WNT8A: variants seen among roughly 807,000 people sequenced by gnomAD.
WNT8A encodes Wnt family member 8A.
A neutral mutation model predicts 20.5 loss-of-function variants in WNT8A; 14 were observed. The observed-to-expected ratio is 0.68, with a 90% CI of 0.45 to 1.07. WNT8A has a LOEUF of 1.07. WNT8A is among the 50% of genes least tolerant of loss of function. WNT8A has a pLI of 0.00. For missense variants in WNT8A, 397 were observed against 462.9 expected (o/e 0.86, Z 1.31); for synonymous variants, 167 against 169.2 (o/e 0.99, Z 0.10).
chr5:138,080,378 G>A (rs1004752686), upstream of WNT8A, among the ~76,000 whole-genome samples: 1 of 139,388 alleles, frequency 7.2e-6, no homozygotes, highest in African/African-American at 2.6e-5. Flanking sequence ...TCCAACGCTC[G>A]CAACTGAAGA....
Position 138,090,827 on chromosome 5 carries a change from AGAG to A in WNT8A, c.866_868del (p.Glu289del). On this transcript the variant is annotated inframe_deletion, in exon 5 of 5. Coordinates refer to ENST00000506684, the MANE Select transcript of WNT8A (RefSeq NM_001300939.2). Reference sequence around the variant, plus strand: ...ATTCCAGCCTGGGCATCTATGGCACAGAGGGTCGTGAGTGCCTACAGAACAGCC... The same window carrying A: ...ATTCCAGCCTGGGCATCTATGGCACAGGTCGTGAGTGCCTACAGAACAGCC... The A allele has an allele frequency of 6.2e-7, 1 of 1,614,232 alleles. No homozygotes were observed. The highest frequency in any genetic ancestry group is 8.5e-7 in the Non-Finnish European group (1 of 1,180,034).
chr5:138,090,140 C>T (rs1750798290), intron 4 of WNT8A, among the ~76,000 whole-genome samples: 1 of 152,166 alleles, frequency 6.6e-6, no homozygotes, highest in Non-Finnish European at 1.5e-5. Flanking sequence ...TCATAGTTTC[C>T]TTTATAATTT....
intron 2 of WNT8A, among the ~76,000 whole-genome samples, chr5:138,085,305 C>A (rs552918771): frequency 6.6e-6 from 1 of 152,246 alleles, no homozygotes; most frequent in South Asian, 2.1e-4. Flanking sequence ...CACTGAGTTG[C>A]ATGAAATAAA....
chr5:138,090,012 G>A (rs1484663548), intron 4 of WNT8A, among the ~76,000 whole-genome samples: 1 of 152,070 alleles, frequency 6.6e-6, no homozygotes, highest in African/African-American at 2.4e-5. Context: ...ATTGCCTTGG[G>A]GGTATAAGTG....
At chr5:138,086,902 CG>C (rs1180871673) in intron 2 of WNT8A, among the ~76,000 whole-genome samples, 26 of 146,122 alleles carry the variant, frequency 1.8e-4, no homozygotes, top group African/African-American at 6.5e-4. Context: ...AAAAAATAGC[CG>C]GGTGTGGTAG....
upstream of WNT8A, among the ~76,000 whole-genome samples, chr5:138,079,061 C>T (rs184415212): frequency 7.9e-5 from 12 of 152,004 alleles, no homozygotes; most frequent in East Asian, 1.9e-3. Flanking sequence ...TCCATGAAGG[C>T]GGGTAGTAAG....
chr5:138,081,007 C>T (rs1426608488), upstream of WNT8A, among the ~76,000 whole-genome samples: 5 of 151,922 alleles, frequency 3.3e-5, no homozygotes, highest in Non-Finnish European at 7.4e-5. Flanking sequence ...TTTGGGAGGC[C>T]GAGACGGGTG....
upstream of WNT8A, among the ~76,000 whole-genome samples, chr5:138,080,444 G>GTTTTTTTTTTT (rs371833243): frequency 3.0e-3 from 169 of 55,966 alleles, 12 homozygotes; most frequent in Non-Finnish European, 3.9e-3. Context: ...TGTAAATCTT[G>GTTTTTTTTTTT]TTTTTTTTTT....
downstream of WNT8A, chr5:138,091,588 T>C (rs1750857777): frequency 1.0e-6 from 1 of 999,284 alleles, no homozygotes; most frequent in Non-Finnish European, 1.3e-6. Context: ...AGTGTTGGAT[T>C]TTTTATCCCC....
Position 138,087,708 on chromosome 5 carries a change from TG to T in WNT8A, c.296-93del. On this transcript the variant is annotated intron_variant, in intron 2 of 4. Transcript: ENST00000506684. Reference sequence around the variant, plus strand: ...AGCATCCTCTTAAACCCAAAGGAAGTGGGGGATAAGGGAGATAAACAGTATT... The same window carrying T: ...AGCATCCTCTTAAACCCAAAGGAAGTGGGGATAAGGGAGATAAACAGTATT... The T allele has an allele frequency of 4.3e-6, 3 of 694,954 alleles. No individual in the cohort carries two copies. The South Asian group carries it at 1.0e-4, about 23-fold the overall frequency. The allele number at this position is 694,954 out of a possible 1,614,324, so 43.0% of individuals were successfully genotyped here.
At position 138,089,088 on chromosome 5, in the gene WNT8A, G is replaced by T; in HGVS notation, c.564+19G>T. 1 of 1,609,454 alleles carries T rather than the reference G, an allele frequency of 6.2e-7. No homozygotes were observed. Among genetic ancestry groups the T allele is most frequent in the Non-Finnish European group, 8.5e-7 (1 of 1,177,984 alleles). On this transcript the variant is annotated intron_variant, in intron 4 of 4. Coordinates refer to ENST00000506684, the MANE Select transcript of WNT8A (RefSeq NM_001300939.2). ...CAGACTGGTGGGTATAGGCATTGTG[G>T]CCAGTATTTCTACAGCTTCACATCT...
intron 3 of WNT8A, 141 bp from the exon 4 acceptor site, chr5:138,088,786 C>T: frequency 8.5e-7 from 1 of 1,171,564 alleles, no homozygotes. Flanking sequence ...CAACAGGACT[C>T]CCACCCACCC....
At chr5:138,090,437 C>G in intron 4 of WNT8A, 91 bp from the exon 5 acceptor site, 1 of 1,216,614 alleles carries the variant, frequency 8.2e-7, no homozygotes, top group Non-Finnish European at 1.2e-6. Flanking sequence ...CCTTTAAAGT[C>G]AAGAAACACA....
chr5:138,085,570 G>A (rs900609826), intron 2 of WNT8A, among the ~76,000 whole-genome samples: 1 of 152,086 alleles, frequency 6.6e-6, no homozygotes, highest in Non-Finnish European at 1.5e-5. Context: ...AAGTGGCTAA[G>A]CACGTGTTGG....
upstream of WNT8A, among the ~76,000 whole-genome samples, chr5:138,081,563 G>T (rs896763525): frequency 6.6e-6 from 1 of 152,030 alleles, no homozygotes; most frequent in Non-Finnish European, 1.5e-5. Context: ...TTAGATTCTT[G>T]ATTGGGAAAA....
In WNT8A at chr5:138,091,466, G is replaced by T. The variant is rs759892375; in HGVS notation, c.*393G>T. 7 of 1,353,862 alleles carry T rather than the reference G, an allele frequency of 5.2e-6. No homozygotes were observed. Among genetic ancestry groups the T allele is most frequent in the South Asian group, 2.3e-5 (2 of 87,942 alleles). 83.9% of individuals were successfully genotyped at this position (1,353,862 alleles called of 1,614,324 possible). ...TGTGCTGCTGGGAATCAGGAGAATA[G>T]AAGCAAAAAACGAAAGAGTTCTGTT... On this transcript the variant is annotated 3_prime_UTR_variant, in exon 5 of 5. Coordinates refer to ENST00000506684, the MANE Select transcript of WNT8A (RefSeq NM_001300939.2).
At chr5:138,091,838 A>ACACTCCAGCCTGGGCAACAGAACTGAG (rs71765841), downstream of WNT8A, among the ~76,000 whole-genome samples, 9 of 136,216 alleles carry the variant, frequency 6.6e-5, no homozygotes, top group Admixed American at 3.1e-4. Context: ...AAAATAAATA[A>ACACTCCAGCCTGGGCAACAGAACTGAG]ATAAATAAAT....
chr5:138,086,687 G>A (rs1485066160), intron 2 of WNT8A, among the ~76,000 whole-genome samples: 3 of 151,270 alleles, frequency 2.0e-5, no homozygotes, highest in African/African-American at 7.3e-5. Flanking sequence ...AGGATTGCTT[G>A]CGCCCAGGAG....
intron 1 of WNT8A, 98 bp from the exon 2 acceptor site, chr5:138,084,400 T>C: frequency 6.5e-7 from 1 of 1,549,944 alleles, no homozygotes; most frequent in Non-Finnish European, 8.7e-7. Context: ...CCATGGTTGA[T>C]TCTTAATGGA....
Sources: gnomAD v4.1 joint callset for allele counts (sites outside exome capture counted in the v4.1 genomes callset) on GRCh38, gnomAD v4.1.1 for gene constraint, MANE v1.5 for transcripts, NCBI Gene and HGNC (gene_info 2026-07-23, HGNC 2026-07-21) for gene names.